The following PGCKA1 variants were observed in gnomAD, a reference collection of about 807,000 sequenced individuals.
The protein encoded by PGCKA1 is PDCD10 and GCKIII kinases associated 1.
chr4:37,535,853 A>G, the PGCKA1 span, among the ~76,000 whole-genome samples: 2 of 152,138 alleles, frequency 1.3e-5, no homozygotes, highest in African/African-American at 2.4e-5. Context: ...CCCAGGCAGT[A>G]GAGTATAGGT....
the PGCKA1 span, among the ~76,000 whole-genome samples, chr4:37,555,384 T>C: frequency 2.0e-5 from 3 of 152,208 alleles, no homozygotes; most frequent in Admixed American, 2.0e-4. Context: ...TATCAATTCA[T>C]AGAGGACACT....
At chr4:37,504,237 A>G in the PGCKA1 span, among the ~76,000 whole-genome samples, 24 of 152,210 alleles carry the variant, frequency 1.6e-4, no homozygotes, top group African/African-American at 4.8e-4. Flanking sequence ...TGAGTTCAAT[A>G]TAGGTGTATG....
the PGCKA1 span, among the ~76,000 whole-genome samples, chr4:37,546,803 G>A: frequency 1.9e-3 from 282 of 152,338 alleles, no homozygotes; most frequent in African/African-American, 6.3e-3. Context: ...TCCAAAGACC[G>A]CTCCCAGGTA....
chr4:37,586,909 CA>C, the PGCKA1 span, among the ~76,000 whole-genome samples: 2 of 151,976 alleles, frequency 1.3e-5, no homozygotes, highest in Non-Finnish European at 2.9e-5. Flanking sequence ...GGCTCTGTCT[CA>C]AAAAAACAAA....
chr4:37,502,573 A>G, the PGCKA1 span, among the ~76,000 whole-genome samples: 1 of 152,156 alleles, frequency 6.6e-6, no homozygotes, highest in Non-Finnish European at 1.5e-5. Context: ...GCAATACAGC[A>G]GGGGATGGGT....
At chr4:37,471,816 T>C in the PGCKA1 span, among the ~76,000 whole-genome samples, 14 of 152,124 alleles carry the variant, frequency 9.2e-5, no homozygotes, top group Non-Finnish European at 1.3e-4. Context: ...GAAAATTGGC[T>C]ATATACAATT....
the PGCKA1 span, among the ~76,000 whole-genome samples, chr4:37,573,064 A>G: frequency 6.6e-6 from 1 of 152,126 alleles, no homozygotes; most frequent in Non-Finnish European, 1.5e-5. Flanking sequence ...TCCATCTTAT[A>G]TTTTGCTGCA....
At chr4:37,591,177 C>T in the PGCKA1 span, 1 of 588,706 alleles carries the variant, frequency 1.7e-6, no homozygotes, top group Non-Finnish European at 3.0e-6. Context: ...TGTCACATAT[C>T]TGGAGTTTCA....
the PGCKA1 span, among the ~76,000 whole-genome samples, chr4:37,513,390 C>T: frequency 6.6e-6 from 1 of 152,218 alleles, no homozygotes; most frequent in African/African-American, 2.4e-5. Flanking sequence ...AAGACCAAGA[C>T]TCAGGTTCTG....
chr4:37,454,002 G>GACCCCGCCGCCGCCGCCGCC, the PGCKA1 span: 2 of 160,374 alleles, frequency 1.2e-5, no homozygotes, highest in Non-Finnish European at 2.7e-5. Flanking sequence ...TGGGCGCCGG[G>GACCCCGCCGCCGCCGCCGCC]ACCCCGCCGC....
chr4:37,464,056 C>T, the PGCKA1 span, among the ~76,000 whole-genome samples: 1 of 152,202 alleles, frequency 6.6e-6, no homozygotes, highest in Non-Finnish European at 1.5e-5. Context: ...ACACAGATGA[C>T]AGCATCATAT....
the PGCKA1 span, among the ~76,000 whole-genome samples, chr4:37,577,698 C>G: frequency 1.3e-5 from 2 of 151,950 alleles, no homozygotes; most frequent in Non-Finnish European, 1.5e-5. Context: ...GATAAACTTC[C>G]CTCTAAGTAC....
At chr4:37,590,414 G>A in the PGCKA1 span, 1 of 1,613,420 alleles carries the variant, frequency 6.2e-7, no homozygotes, top group Non-Finnish European at 8.5e-7. Flanking sequence ...CAGGATGACA[G>A]GGGCTCCTGG....
chr4:37,588,896 A>G, the PGCKA1 span: 7 of 1,612,742 alleles, frequency 4.3e-6, no homozygotes, highest in East Asian at 2.2e-5. Context: ...AAAATAATAC[A>G]AAGGTAAAGC....
the PGCKA1 span, among the ~76,000 whole-genome samples, chr4:37,592,551 T>G: frequency 1.3e-5 from 2 of 152,268 alleles, no homozygotes; most frequent in East Asian, 3.9e-4. Context: ...ACAACCATTC[T>G]AACGTAACTC....
At chr4:37,589,627 A>G in the PGCKA1 span, among the ~76,000 whole-genome samples, 1 of 152,182 alleles carries the variant, frequency 6.6e-6, no homozygotes, top group South Asian at 2.1e-4. Flanking sequence ...AGAGTATTTC[A>G]GGCAGAACCT....
At chr4:37,504,892 A>G in the PGCKA1 span, among the ~76,000 whole-genome samples, 5 of 152,130 alleles carry the variant, frequency 3.3e-5, no homozygotes, top group Non-Finnish European at 7.4e-5. Context: ...TCTTCCTTTC[A>G]AATCTGGATG....
At chr4:37,489,873 A>C in the PGCKA1 span, among the ~76,000 whole-genome samples, 2 of 152,192 alleles carry the variant, frequency 1.3e-5, no homozygotes, top group Non-Finnish European at 2.9e-5. Context: ...AAATGAATGT[A>C]ACCTGAGATT....
the PGCKA1 span, among the ~76,000 whole-genome samples, chr4:37,546,654 G>A: frequency 3.3e-5 from 5 of 152,168 alleles, no homozygotes; most frequent in African/African-American, 4.8e-5. Flanking sequence ...TTTTCCCTGC[G>A]GCTCATCCTG....
Sources: gnomAD v4.1 joint callset for allele counts (sites outside exome capture counted in the v4.1 genomes callset) on GRCh38, gnomAD v4.1.1 for gene constraint, MANE v1.5 for transcripts, NCBI Gene and HGNC (gene_info 2026-07-23, HGNC 2026-07-21) for gene names.